DGKB: variants seen among roughly 807,000 people sequenced by gnomAD.
DGKB encodes 90 kDa diacylglycerol kinase.
DGKB carries 67 observed loss-of-function variants against 114.3 expected under a neutral mutation model. That is an observed-to-expected ratio of 0.59 (90% confidence interval 0.48 to 0.72). The LOEUF is 0.72. Among genes scored for constraint, DGKB ranks in the 30% least tolerant of loss-of-function variants. The pLI is 0.00. For synonymous variants in DGKB, 398 were observed against 323.1 expected, an observed-to-expected ratio of 1.23 and a Z score of -2.49; for missense variants, 907 against 975.2, an observed-to-expected ratio of 0.93 and a Z score of 0.93.
intron 1 of DGKB, among the ~76,000 whole-genome samples, chr7:14,915,190 G>C (rs559063640): frequency 4.6e-5 from 7 of 152,170 alleles, no homozygotes; most frequent in African/African-American, 1.7e-4. Context: ...AATACAGCAA[G>C]ACCCTGTCTT....
chr7:14,374,130 G>T (rs1314956518), intron 21 of DGKB, among the ~76,000 whole-genome samples: 2 of 151,916 alleles, frequency 1.3e-5, no homozygotes. Context: ...AACACTTCCC[G>T]AACTGCAATC....
chr7:14,689,004 A>T (rs1371397965), intron 9 of DGKB, among the ~76,000 whole-genome samples: 1 of 151,996 alleles, frequency 6.6e-6, no homozygotes, highest in Non-Finnish European at 1.5e-5. Context: ...AATTTCATTG[A>T]TGTCCTAACC....
intron 2 of DGKB, among the ~76,000 whole-genome samples, chr7:14,834,784 C>T (rs1019617627): frequency 6.6e-6 from 1 of 152,156 alleles, no homozygotes; most frequent in African/African-American, 2.4e-5. Context: ...ACTTCAGTAT[C>T]AATGTTTGCT....
chr7:14,343,165 A>ACACACACACG (rs1811901221), intron 22 of DGKB, among the ~76,000 whole-genome samples: 1 of 147,552 alleles, frequency 6.8e-6, no homozygotes. Flanking sequence ...ATCCACACAC[A>ACACACACACG]CACACACACA....
At chr7:14,575,448 C>T (rs936023827) in intron 19 of DGKB, among the ~76,000 whole-genome samples, 2 of 152,214 alleles carry the variant, frequency 1.3e-5, no homozygotes, top group African/African-American at 4.8e-5. Flanking sequence ...AGGTAGATAA[C>T]ATTATAGTTA....
intron 21 of DGKB, among the ~76,000 whole-genome samples, chr7:14,369,204 AATG>A (rs1352976330): frequency 6.6e-6 from 1 of 152,048 alleles, no homozygotes; most frequent in Non-Finnish European, 1.5e-5. Context: ...GTTTTCTGAG[AATG>A]ATGATTTCCA....
intron 23 of DGKB, among the ~76,000 whole-genome samples, chr7:14,277,337 A>G (rs1261552312): frequency 1.3e-5 from 2 of 150,882 alleles, no homozygotes; most frequent in African/African-American, 2.4e-5. Flanking sequence ...TGCCCAGGTA[A>G]TTTTTTTTTC....
chr7:14,465,780 C>T (rs548872558), intron 21 of DGKB, among the ~76,000 whole-genome samples: 1 of 152,182 alleles, frequency 6.6e-6, no homozygotes, highest in East Asian at 1.9e-4. Context: ...ATTGAGGAGA[C>T]CCAAGCATGA....
intron 20 of DGKB, among the ~76,000 whole-genome samples, chr7:14,567,157 AT>A: frequency 9.9e-6 from 1 of 100,990 alleles, no homozygotes; most frequent in Non-Finnish European, 1.9e-5. Flanking sequence ...ATAATATACA[AT>A]TATATTTATA....
At chr7:14,170,956 T>C (rs371190198) in intron 25 of DGKB, among the ~76,000 whole-genome samples, 69 of 151,960 alleles carry the variant, frequency 4.5e-4, no homozygotes, top group African/African-American at 1.5e-3. Flanking sequence ...AGTCAGAAAA[T>C]AGCATCTCAT....
chr7:14,363,506 C>A (rs1462508597), intron 21 of DGKB, among the ~76,000 whole-genome samples: 1 of 151,966 alleles, frequency 6.6e-6, no homozygotes, highest in Admixed American at 6.6e-5. Flanking sequence ...TGCAAAGTCC[C>A]TGTCGGAGAA....
chr7:14,953,087 G>A (rs1786299028), intron 1 of DGKB, among the ~76,000 whole-genome samples: 1 of 151,990 alleles, frequency 6.6e-6, no homozygotes, highest in African/African-American at 2.4e-5. Flanking sequence ...CTACATGTAA[G>A]TATAAAAACT....
chr7:14,440,138 C>T (rs957684273), intron 21 of DGKB, among the ~76,000 whole-genome samples: 17 of 152,176 alleles, frequency 1.1e-4, no homozygotes, highest in African/African-American at 3.9e-4. Context: ...GTAGAAAGAG[C>T]AGGGAGGAGG....
intron 21 of DGKB, among the ~76,000 whole-genome samples, chr7:14,448,063 C>A (rs947758945): frequency 1.3e-5 from 2 of 152,152 alleles, no homozygotes; most frequent in Admixed American, 6.6e-5. Flanking sequence ...TTCTCATTCT[C>A]CATAAATTTA....
chr7:14,634,796 T>G (rs1240077787), intron 13 of DGKB, among the ~76,000 whole-genome samples: 1 of 151,542 alleles, frequency 6.6e-6, no homozygotes, highest in Non-Finnish European at 1.5e-5. Context: ...GCTTCCATGT[T>G]TTTTTTATAT....
chr7:14,816,235 G>A (rs762783615), intron 2 of DGKB, among the ~76,000 whole-genome samples: 6 of 152,128 alleles, frequency 3.9e-5, no homozygotes, highest in Admixed American at 1.3e-4. Flanking sequence ...TCTGGAGGCC[G>A]AGACAGGAGA....
In DGKB at chr7:14,574,273, T is replaced by G; in HGVS notation, c.1709A>C (p.Lys570Thr). 6.2e-7 allele frequency: 1 copy of G among 1,613,468 alleles called. No homozygotes were observed. Among genetic ancestry groups the G allele is most frequent in the Non-Finnish European group, 8.5e-7 (1 of 1,179,536 alleles). ...RWKFEVIPND[K>T]DEKGDPVPYS... ...AGGCACTGGGTCTCCTTTCTCATCT[T>G]TGTCATTAGGTATGACTTCAAACTT... The change falls in exon 20 of 26, where the codon AAA becomes ACA. Residue 570 changes from lysine to threonine, a missense_variant. Transcript: ENST00000402815.
intron 25 of DGKB, among the ~76,000 whole-genome samples, chr7:14,172,044 G>A (rs1018639138): frequency 1.3e-5 from 2 of 152,226 alleles, no homozygotes; most frequent in African/African-American, 4.8e-5. Flanking sequence ...GAGTGGAGAA[G>A]TGGAAGGAGG....
At chr7:14,589,580 T>C (rs1270760827) in intron 17 of DGKB, among the ~76,000 whole-genome samples, 1 of 151,982 alleles carries the variant, frequency 6.6e-6, no homozygotes, top group African/African-American at 2.4e-5. Flanking sequence ...GGTTAACAAG[T>C]TTCTCTTCTA....
Sources: gnomAD v4.1 joint callset for allele counts (sites outside exome capture counted in the v4.1 genomes callset) on GRCh38, gnomAD v4.1.1 for gene constraint, MANE v1.5 for transcripts, NCBI Gene and HGNC (gene_info 2026-07-23, HGNC 2026-07-21) for gene names.